The following CEP68 variants were observed in gnomAD, a reference collection of about 807,000 sequenced individuals.
CEP68 encodes centrosomal protein 68.
Under a neutral mutation model 55.3 loss-of-function variants are expected in CEP68, and 26 were observed. The ratio of observed to expected loss-of-function variants is 0.47; its 90% CI spans 0.34 to 0.65. The LOEUF (loss-of-function observed/expected upper bound fraction) is 0.65, where lower values mean the gene tolerates loss of function less well. Among genes scored for constraint, CEP68 ranks in the 30% least tolerant of loss-of-function variants. The pLI, the probability that CEP68 is intolerant of heterozygous loss-of-function variation, is 0.01. For synonymous variants in CEP68, 402 were observed against 383.2 expected, an observed-to-expected ratio of 1.05 and a Z score of -0.57; for missense variants, 957 against 946.7, an observed-to-expected ratio of 1.01 and a Z score of -0.14.
intron 4 of CEP68, 40 bp downstream of exon 4, chr2:65,074,444 A>T: frequency 1.2e-6 from 2 of 1,613,722 alleles, no homozygotes; most frequent in South Asian, 1.1e-5. Flanking sequence ...CCCTCACAAG[A>T]GTGTGGCTAA....
At position 65,072,294 on chromosome 2, in the gene CEP68, A is replaced by G; in HGVS notation, c.1198A>G (p.Thr400Ala). The change falls in exon 3 of 7, where the codon ACC (threonine) becomes GCC (alanine). Residue 400 changes from threonine (T) to alanine (A), a missense_variant. By Grantham distance (58) the Thr-to-Ala change is moderately conservative. Coordinates refer to ENST00000377990, the MANE Select transcript of CEP68 (RefSeq NM_015147.3). Reference protein sequence around the residue: ...GLASWSQLASTPRAPGSRDAR... With the variant: ...GLASWSQLASAPRAPGSRDAR... ...GGCATCTTGGAGCCAACTTGCATCT[A>G]CCCCCAGAGCCCCAGGCAGTAGGGA... 6.2e-7 allele frequency: 1 copy of G among 1,613,322 alleles called. No individual in the cohort carries two copies. Among genetic ancestry groups the G allele is most frequent in the South Asian group, 1.1e-5 (1 of 91,042 alleles).
intron 4 of CEP68, 98 bp downstream of exon 4, chr2:65,074,502 T>C (rs1676666236): frequency 6.4e-7 from 1 of 1,551,764 alleles, no homozygotes. Context: ...GTCTGGTATG[T>C]TATAGCTCAG....
chr2:65,080,159 C>T (rs1676942507), intron 5 of CEP68: 2 of 866,734 alleles, frequency 2.3e-6, no homozygotes, highest in Admixed American at 1.3e-4. Flanking sequence ...CTCTTAAAAG[C>T]TTCAGGTTTT....
chr2:65,065,494 A>G (rs1676121676), intron 1 of CEP68, among the ~76,000 whole-genome samples: 1 of 152,214 alleles, frequency 6.6e-6, no homozygotes, highest in South Asian at 2.1e-4. Flanking sequence ...TGCCACTTGA[A>G]AGGACATATA....
intron 1 of CEP68, among the ~76,000 whole-genome samples, chr2:65,068,836 G>GAAAAA (rs535518061): frequency 4.0e-5 from 6 of 150,956 alleles, no homozygotes; most frequent in Admixed American, 3.9e-4. Flanking sequence ...TCAGAAAAAA[G>GAAAAA]AAAAAAAGAA....
rs1489348525 is a variant in CEP68 at position 65,084,674 on chromosome 2, G to C, written c.*1040G>C. On this transcript the variant is annotated 3_prime_UTR_variant, in exon 7 of 7. Transcript: ENST00000377990. The stretch of plus-strand genomic sequence containing the variant: ...CATGAATGAACCTGGAAGGAGGAAA[G>C]CACAGTAACAATGGAAACTAAAGTC... 6.6e-6 allele frequency: 1 copy of C among 152,162 alleles called. No homozygotes were observed. The highest frequency in any genetic ancestry group is 1.5e-5 in the Non-Finnish European group (1 of 68,020). 9.4% of individuals were successfully genotyped at this position (152,162 alleles called of 1,614,324 possible). A position where few individuals can be genotyped will look rare whatever the true frequency, so the allele number is the denominator to read the frequency against.
At position 65,069,607 on chromosome 2, in the gene CEP68, G is replaced by T; in HGVS notation, c.163G>T (p.Val55Leu). The change falls in exon 2 of 7, where the codon GTA becomes TTA. Residue 55 changes from valine to leucine, a missense_variant. Coordinates refer to ENST00000377990, the MANE Select transcript of CEP68 (RefSeq NM_015147.3). ...LEAEGGLISP[V>L]WGAEGIPAPT... ...AGCTGAGGGAGGGCTCATCTCCCCTGTATGGGGGGCAGAAGGGATACCTGC... is the reference window on the plus strand; with the variant it reads ...AGCTGAGGGAGGGCTCATCTCCCCTTTATGGGGGGCAGAAGGGATACCTGC... 6.2e-7 allele frequency: 1 copy of T among 1,614,126 alleles called. No individual in the cohort carries two copies. Among genetic ancestry groups the T allele is most frequent in the Non-Finnish European group, 8.5e-7 (1 of 1,180,010 alleles).
In CEP68 at chr2:65,069,547, G is replaced by C; in HGVS notation, c.103G>C (p.Gly35Arg). 2 of 1,609,348 alleles carry C rather than the reference G, an allele frequency of 1.2e-6. No individual in the cohort carries two copies. Among genetic ancestry groups the C allele is most frequent in the Non-Finnish European group, 1.7e-6 (2 of 1,177,006 alleles). Reference sequence around the variant, plus strand: ...CAGGGAGCGGGAGCTGGACATCCCAGGGCCCATGAGTGGGGAGCAGCCCCC... The same window carrying C: ...CAGGGAGCGGGAGCTGGACATCCCACGGCCCATGAGTGGGGAGCAGCCCCC... The part of the protein sequence containing the change: ...SCRERELDIP[G>R]PMSGEQPPRL... Residue 35 changes from glycine (G) to arginine (R), a missense_variant, in exon 2 of 7, where the codon GGG (glycine) becomes CGG (arginine). Gly to Arg is a moderately radical substitution (Grantham distance 125). Transcript: ENST00000377990.
chr2:65,068,690 G>A (rs913537571), intron 1 of CEP68, among the ~76,000 whole-genome samples: 1 of 152,134 alleles, frequency 6.6e-6, no homozygotes, highest in African/African-American at 2.4e-5. Flanking sequence ...AGCCAGGCGT[G>A]GTGGCATGTG....
chr2:65,064,421 C>G (rs550789192), intron 1 of CEP68, among the ~76,000 whole-genome samples: 1 of 152,206 alleles, frequency 6.6e-6, no homozygotes, highest in South Asian at 2.1e-4. Context: ...GAATCTCTAG[C>G]CATTGAGAGA....
At chr2:65,083,250 G>C (rs1243060371) in intron 6 of CEP68, among the ~76,000 whole-genome samples, 1 of 152,188 alleles carries the variant, frequency 6.6e-6, no homozygotes, top group African/African-American at 2.4e-5. Flanking sequence ...AAAAAGGCTA[G>C]GGGGATGGAG....
intron 1 of CEP68, among the ~76,000 whole-genome samples, chr2:65,064,258 ACC>A (rs1258357824): frequency 6.6e-6 from 1 of 152,168 alleles, no homozygotes; most frequent in Non-Finnish European, 1.5e-5. Flanking sequence ...CTAAATAGAT[ACC>A]TTCTTTTTTG....
rs958375939 is a variant in CEP68 at position 65,084,763 on chromosome 2, C to T, written c.*1129C>T. The T allele has an allele frequency of 1.3e-5, 2 of 152,150 alleles. No individual in the cohort carries two copies. Among genetic ancestry groups the T allele is most frequent in the African/African-American group, 4.8e-5 (2 of 41,438 alleles). The allele number at this position is 152,150 out of a possible 1,614,324, so 9.4% of individuals were successfully genotyped here. A position where few individuals can be genotyped will look rare whatever the true frequency, so the allele number is the denominator to read the frequency against. On this transcript the variant is annotated 3_prime_UTR_variant, in exon 7 of 7. Coordinates refer to ENST00000377990, the MANE Select transcript of CEP68 (RefSeq NM_015147.3). The stretch of plus-strand genomic sequence containing the variant: ...GACTTTATAGTCACTGGAAAATAGC[C>T]ATTAAATTCTTTAAAGATTAGCTCT...
chr2:65,062,532 CA>C lies in CEP68; in HGVS notation c.-47+6023del, dbSNP rs10700779. ...TGGGCGACAGAGTGAGACTCCATCT[CA>C]AAAAAAAAAAAAAAAAAAGAGGCGG... is the stretch of plus-strand genomic sequence containing the variant. On this transcript the variant is annotated intron_variant, in intron 1 of 6. Transcript: ENST00000377990. 8.9e-3 allele frequency among the ~76,000 whole-genome samples: 590 copies of C among 66,292 alleles called. 3 individuals carry two copies. The highest frequency in any genetic ancestry group is 0.031 in the African/African-American group (499 of 15,886). The allele number at this position is 66,292 out of a possible 152,430, so 43.5% of individuals were successfully genotyped here.
At chr2:65,076,995 C>CTTTT (rs573128823) in intron 4 of CEP68, among the ~76,000 whole-genome samples, 11 of 118,272 alleles carry the variant, frequency 9.3e-5, no homozygotes, top group South Asian at 2.6e-4. Context: ...TTGACTTTAC[C>CTTTT]TTTTTTTTTT....
rs1558562320 is a variant in CEP68, at chr2:65,072,066, C to A, written c.970C>A (p.Pro324Thr). The A allele has an allele frequency of 6.2e-7, 1 of 1,613,936 alleles. No individual in the cohort carries two copies. Among genetic ancestry groups the A allele is most frequent in the African/African-American group, 1.3e-5 (1 of 74,992 alleles). Residue 324 changes from proline (P) to threonine (T), a missense_variant, in exon 3 of 7, where the codon CCA becomes ACA. Coordinates refer to ENST00000377990, the MANE Select transcript of CEP68 (RefSeq NM_015147.3). The stretch of plus-strand genomic sequence containing the variant: ...CCCAAAGCACCTTGATAGCCGTGTG[C>A]CAGCTGACCCTGTCCTGCAGGACTC... ...QLPKHLDSRV[P>T]ADPVLQDSGV...
intron 1 of CEP68, among the ~76,000 whole-genome samples, chr2:65,065,866 G>A (rs928155718): frequency 6.6e-6 from 1 of 151,366 alleles, no homozygotes; most frequent in Non-Finnish European, 1.5e-5. Context: ...TGAAGCAGGA[G>A]AATTGCTTGA....
chr2:65,080,536 C>T (rs1676962035), intron 5 of CEP68: 11 of 985,350 alleles, frequency 1.1e-5, no homozygotes, highest in Non-Finnish European at 1.3e-5. Context: ...AGTTCAAAAG[C>T]GTCCGTGCGC....
rs745422882 is a variant in CEP68, at chr2:65,082,661, A to C, written c.2230A>C (p.Lys744Gln). 2 of 1,609,450 alleles carry C rather than the reference A, an allele frequency of 1.2e-6. No individual in the cohort carries two copies. The highest frequency in any genetic ancestry group is 4.5e-5 in the East Asian group (2 of 44,588). ...MLAGCTLIPD[K>Q]KPMAAMEHPC... is the part of the protein sequence containing the mutation. ...GGCTGGCTGCACCCTTATCCCTGACAAAAAGCCCATGGCGGCAATGGAGCA... is the reference window on the plus strand; with the variant it reads ...GGCTGGCTGCACCCTTATCCCTGACCAAAAGCCCATGGCGGCAATGGAGCA... The change falls in exon 6 of 7, where the codon AAA becomes CAA. Residue 744 changes from lysine (K) to glutamine (Q), a missense_variant. Transcript: ENST00000377990.
Sources: allele counts gnomAD v4.1 joint callset (sites outside exome capture counted in the v4.1 genomes callset), GRCh38; gene constraint gnomAD v4.1.1; transcripts MANE v1.5; gene names NCBI Gene and HGNC (gene_info 2026-07-23, HGNC 2026-07-21).